The following SORCS2 variants were observed in gnomAD, a reference collection of about 807,000 sequenced individuals.
SORCS2 encodes sortilin related VPS10 domain containing receptor 2.
In SORCS2, 100 loss-of-function variants were observed where a neutral mutation model predicts 141.6. That is an observed-to-expected ratio of 0.71 (90% CI 0.60 to 0.83). The LOEUF (loss-of-function observed/expected upper bound fraction) is 0.83, where lower values mean the gene tolerates loss of function less well. Ranked by LOEUF, SORCS2 falls within the 40% of genes least tolerant of loss-of-function variation. SORCS2 has a pLI of 0.00. For missense variants in SORCS2, 1,646 were observed against 1,560.2 expected (o/e 1.05, Z -0.93); for synonymous variants, 789 against 676.9 (o/e 1.17, Z -2.57).
At chr4:7,273,658 T>G (rs554010291) in intron 1 of SORCS2, among the ~76,000 whole-genome samples, 1 of 152,318 alleles carries the variant, frequency 6.6e-6, no homozygotes, top group African/African-American at 2.4e-5. Context: ...GCTAGGGATT[T>G]CTGGGAGGCA....
At chr4:7,466,233 A>C (rs1263290832) in intron 2 of SORCS2, among the ~76,000 whole-genome samples, 1 of 152,084 alleles carries the variant, frequency 6.6e-6, no homozygotes, top group East Asian at 1.9e-4. Flanking sequence ...CATCTGGTTC[A>C]CGCCCCTGCA....
chr4:7,285,190 G>A (rs185482897), intron 1 of SORCS2, among the ~76,000 whole-genome samples: 239 of 152,090 alleles, frequency 1.6e-3, no homozygotes, highest in African/African-American at 5.5e-3. Flanking sequence ...CTGCCACCAC[G>A]CCTGGCTAAT....
chr4:7,386,293 T>C (rs1242824173), intron 1 of SORCS2, among the ~76,000 whole-genome samples: 2 of 73,328 alleles, frequency 2.7e-5, no homozygotes, highest in African/African-American at 6.0e-5. Flanking sequence ...TGCACACACA[T>C]GCACACACAT....
intron 3 of SORCS2, among the ~76,000 whole-genome samples, chr4:7,559,382 G>C (rs896277086): frequency 6.6e-6 from 1 of 152,176 alleles, no homozygotes; most frequent in African/African-American, 2.4e-5. Flanking sequence ...TGGTGACATG[G>C]GCACACAGAG....
At chr4:7,611,016 C>T (rs897444813) in intron 3 of SORCS2, among the ~76,000 whole-genome samples, 14 of 152,184 alleles carry the variant, frequency 9.2e-5, no homozygotes, top group African/African-American at 2.9e-4. Flanking sequence ...ACACTGAGAA[C>T]GGAGGGTGGC....
At position 7,664,529 on chromosome 4, in the gene SORCS2, G is replaced by A. The variant is rs920065813; in HGVS notation, c.1071+58G>A. 56 of 1,284,492 alleles carry A rather than the reference G, an allele frequency of 4.4e-5. 1 individual carries two copies. The South Asian group carries it at 5.2e-4, about 12-fold the overall frequency. The allele number at this position is 1,284,492 out of a possible 1,614,324, so 79.6% of individuals were successfully genotyped here. A position where few individuals can be genotyped will look rare whatever the true frequency, so the allele number is the denominator to read the frequency against. ...CAACAGGTGACGTGGCGGATGACCCGTTCGCGGCAAAAATGGCATCGCTCA... is the reference window on the plus strand; with the variant it reads ...CAACAGGTGACGTGGCGGATGACCCATTCGCGGCAAAAATGGCATCGCTCA... On this transcript the variant is annotated intron_variant, in intron 7 of 26. Coordinates refer to ENST00000507866, the MANE Select transcript of SORCS2 (RefSeq NM_020777.3). The surrounding 1 kb of genome is among the most constrained non-coding windows in gnomAD (Gnocchi z 4.7).
chr4:7,224,520 C>G (rs541731485), intron 1 of SORCS2, among the ~76,000 whole-genome samples: 1 of 152,322 alleles, frequency 6.6e-6, no homozygotes, highest in African/African-American at 2.4e-5. Flanking sequence ...CACCTGTGAC[C>G]CATGGTGGTC....
intron 2 of SORCS2, among the ~76,000 whole-genome samples, chr4:7,422,126 C>T (rs1726117937): frequency 6.6e-6 from 1 of 152,226 alleles, no homozygotes; most frequent in African/African-American, 2.4e-5. Context: ...GGTTAATCGT[C>T]ACCCACCTAA....
chr4:7,427,858 C>CT (rs1254460141), intron 2 of SORCS2, among the ~76,000 whole-genome samples: 2 of 149,736 alleles, frequency 1.3e-5, no homozygotes, highest in Non-Finnish European at 3.0e-5. Context: ...CCCGCCCCCC[C>CT]GCACCAGGCC....
chr4:7,312,982 C>T (rs971829015), intron 1 of SORCS2, among the ~76,000 whole-genome samples: 2 of 152,242 alleles, frequency 1.3e-5, no homozygotes, highest in African/African-American at 4.8e-5. Flanking sequence ...ACCTGCTGAT[C>T]TTCCAAGGCC....
intron 2 of SORCS2, among the ~76,000 whole-genome samples, chr4:7,470,251 A>C (rs1006676042): frequency 2.0e-5 from 3 of 148,960 alleles, no homozygotes; most frequent in South Asian, 4.4e-4. Context: ...CCATCCTCCC[A>C]TCCTCCCATC....
At chr4:7,246,091 C>T (rs963838005) in intron 1 of SORCS2, among the ~76,000 whole-genome samples, 7 of 152,224 alleles carry the variant, frequency 4.6e-5, no homozygotes, top group Non-Finnish European at 8.8e-5. Context: ...TTTAAGGGGG[C>T]TTCATGCAAC....
chr4:7,366,781 G>A (rs752629293), intron 1 of SORCS2, among the ~76,000 whole-genome samples: 4 of 152,148 alleles, frequency 2.6e-5, no homozygotes, highest in Non-Finnish European at 4.4e-5. Context: ...ACCCCCAACA[G>A]CTTCACAGGG....
chr4:7,688,536 A>G (rs1724014907), intron 10 of SORCS2, among the ~76,000 whole-genome samples: 1 of 152,214 alleles, frequency 6.6e-6, no homozygotes, highest in African/African-American at 2.4e-5. Context: ...TATCCTGTGA[A>G]GCAGAGGTTA....
At position 7,664,265 on chromosome 4, in the gene SORCS2, G is replaced by A. The variant is rs1443266666; in HGVS notation, c.953-88G>A. On this transcript the variant is annotated intron_variant, in intron 6 of 26. Transcript: ENST00000507866. This position sits in a 1 kb window ranked among gnomAD's most constrained non-coding sequence, Gnocchi z 4.7. ...CATGAAGCCACACCACAGCGGTATT[G>A]GAGGAAGATGGAGTCCAGCACATGT... 2.0e-5 allele frequency: 21 copies of A among 1,030,368 alleles called. No homozygotes were observed. The highest frequency in any genetic ancestry group is 2.9e-5 in the Non-Finnish European group (20 of 691,110). The allele number at this position is 1,030,368 out of a possible 1,614,324, so 63.8% of individuals were successfully genotyped here. A position where few individuals can be genotyped will look rare whatever the true frequency, so the allele number is the denominator to read the frequency against.
intron 3 of SORCS2, among the ~76,000 whole-genome samples, chr4:7,619,921 G>A (rs1272558026): frequency 3.9e-5 from 6 of 152,070 alleles, no homozygotes; most frequent in African/African-American, 7.2e-5. Flanking sequence ...AGATTCGTCA[G>A]CCCCTGCCCC....
chr4:7,648,125 T>A lies in SORCS2; in HGVS notation c.814-6009T>A, dbSNP rs531077338. Among the ~76,000 whole-genome samples, 9 of 152,106 alleles carry A rather than the reference T, an allele frequency of 5.9e-5. No individual in the cohort carries two copies. The East Asian group carries it at 1.2e-3, about 20-fold the overall frequency. On this transcript the variant is annotated intron_variant, in intron 4 of 26. Coordinates refer to ENST00000507866, the MANE Select transcript of SORCS2 (RefSeq NM_020777.3). This position sits in a 1 kb window ranked among gnomAD's most constrained non-coding sequence, Gnocchi z 4.2. The stretch of plus-strand genomic sequence containing the variant: ...GGGCAGGTGGGGTGGCGGGCACCTC[T>A]GGGATTGTGGTTGCAGGACCTGGTG...
At chr4:7,202,202 C>T (rs979537068) in intron 1 of SORCS2, among the ~76,000 whole-genome samples, 1 of 152,172 alleles carries the variant, frequency 6.6e-6, no homozygotes, top group African/African-American at 2.4e-5. Context: ...ATATGCAGCC[C>T]GCTGAGGGCA....
intron 2 of SORCS2, among the ~76,000 whole-genome samples, chr4:7,508,920 GC>G (rs1403594304): frequency 6.6e-6 from 1 of 152,232 alleles, no homozygotes; most frequent in African/African-American, 2.4e-5. Context: ...TCTGGAGGGG[GC>G]CCGGCTGCAA....
Sources: gnomAD v4.1 joint callset for allele counts (sites outside exome capture counted in the v4.1 genomes callset) on GRCh38, gnomAD v4.1.1 for gene constraint, Gnocchi (gnomAD v3.1) non-coding constraint, MANE v1.5 for transcripts, NCBI Gene and HGNC (gene_info 2026-07-23, HGNC 2026-07-21) for gene names.